Variants in SEH1L observed in about 807,000 individuals in gnomAD.
SEH1L encodes SEH1 like nucleoporin, also known as nucleoporin SEH1.
SEH1L carries 18 observed loss-of-function variants against 49.5 expected under a neutral mutation model. The ratio of observed to expected loss-of-function variants is 0.36; its 90% CI spans 0.25 to 0.54. The LOEUF is 0.54. Among genes scored for constraint, SEH1L ranks in the 20% least tolerant of loss-of-function variants. The probability of loss-of-function intolerance (pLI) is 0.87; values close to 1 mark genes in which losing one functional copy is unlikely to be tolerated. For synonymous variants in SEH1L, 169 were observed against 178.1 expected (o/e 0.95, Z 0.41); for missense variants, 404 against 528.8 (o/e 0.76, Z 2.31).
In SEH1L at chr18:12,986,916, T is replaced by C. The variant is rs2032485588; in HGVS notation, c.1125T>C (p.Tyr375=). The C allele has an allele frequency of 6.2e-7, 1 of 1,613,370 alleles. No individual in the cohort carries two copies. The highest frequency in any genetic ancestry group is 8.5e-7 in the Non-Finnish European group (1 of 1,179,620). ...GGGCTGGATCGAGATGGTCCAGTTA[T>C]GCCCAGCTCCTTCCTCCTCCTCCTC... is the stretch of plus-strand genomic sequence containing the variant. ...SPRAGSRWSS[Y]AQLLPPPPPP... The change falls in exon 9 of 9, where the codon TAT becomes TAC. Residue 375 remains tyrosine (Y), a synonymous_variant. Transcript: ENST00000399892.
At chr18:12,981,109 C>T (rs541294749) in intron 6 of SEH1L, among the ~76,000 whole-genome samples, 39 of 151,252 alleles carry the variant, frequency 2.6e-4, no homozygotes, top group Middle Eastern at 3.5e-3. Context: ...TCAGACAGGG[C>T]GGCCGGGCAG....
chr18:12,976,193 C>T (rs2031910197), intron 5 of SEH1L: 1 of 152,228 alleles, frequency 6.6e-6, no homozygotes, highest in Admixed American at 6.5e-5. Flanking sequence ...TGGCAGCACT[C>T]GTGTTCCTGC....
chr18:12,973,922 G>A (rs912124035), intron 5 of SEH1L: 2 of 152,178 alleles, frequency 1.3e-5, no homozygotes, highest in African/African-American at 4.8e-5. Context: ...ATACAAAGAA[G>A]GGTATTCTAG....
At chr18:12,950,500 T>A (rs2030454287) in intron 1 of SEH1L, among the ~76,000 whole-genome samples, 1 of 152,230 alleles carries the variant, frequency 6.6e-6, no homozygotes, top group Non-Finnish European at 1.5e-5. Context: ...CCTCTGTTTT[T>A]CCTTTAACGT....
chr18:12,953,772 A>C (rs1161266409), intron 2 of SEH1L, among the ~76,000 whole-genome samples: 1 of 152,184 alleles, frequency 6.6e-6, no homozygotes, highest in Non-Finnish European at 1.5e-5. Flanking sequence ...TCTAGTTCTA[A>C]AACATTTTTA....
intron 3 of SEH1L, among the ~76,000 whole-genome samples, chr18:12,962,680 C>G (rs1423685771): frequency 1.3e-5 from 2 of 150,728 alleles, no homozygotes; most frequent in Non-Finnish European, 3.0e-5. Flanking sequence ...GCCATGTAGC[C>G]CAGGCTGGTC....
At chr18:12,955,718 T>C in intron 3 of SEH1L, 109 bp downstream of exon 3, 3 of 1,104,424 alleles carry the variant, frequency 2.7e-6, no homozygotes, top group Non-Finnish European at 2.6e-6. Context: ...TCCCCTCTAG[T>C]TTTACCAGTT....
intron 8 of SEH1L, chr18:12,986,141 T>G: frequency 2.0e-6 from 2 of 984,492 alleles, no homozygotes; most frequent in Non-Finnish European, 2.4e-6. Flanking sequence ...CTCAAGATTT[T>G]CTTAATTTAG....
chr18:12,959,333 A>T (rs937395916), intron 3 of SEH1L, among the ~76,000 whole-genome samples: 6 of 152,182 alleles, frequency 3.9e-5, no homozygotes, highest in African/African-American at 1.4e-4. Context: ...CAATATTTGC[A>T]TTTATACTTA....
intron 5 of SEH1L, 175 bp from the exon 6 acceptor site, chr18:12,978,577 A>T (rs973129914): frequency 1.0e-5 from 5 of 498,140 alleles, no homozygotes; most frequent in Non-Finnish European, 1.8e-5. Context: ...GGTCACATTC[A>T]CAGGGTCTGG....
At chr18:12,974,732 G>C (rs1167812464) in intron 5 of SEH1L, among the ~76,000 whole-genome samples, 1 of 152,154 alleles carries the variant, frequency 6.6e-6, no homozygotes, top group Non-Finnish European at 1.5e-5. Flanking sequence ...TGTTTATATA[G>C]GTTACCGGGC....
At chr18:12,951,417 G>T (rs903997184) in intron 1 of SEH1L, among the ~76,000 whole-genome samples, 13 of 152,172 alleles carry the variant, frequency 8.5e-5, no homozygotes, top group African/African-American at 3.1e-4. Flanking sequence ...TTGAGACGGA[G>T]TCTTGCTTTG....
At chr18:12,957,807 C>T (rs2030963374) in intron 3 of SEH1L, among the ~76,000 whole-genome samples, 3 of 152,166 alleles carry the variant, frequency 2.0e-5, no homozygotes, top group Non-Finnish European at 4.4e-5. Context: ...GTCTCAACCT[C>T]CTGGGCTCAA....
chr18:12,958,545 T>C (rs2031016870), intron 3 of SEH1L, among the ~76,000 whole-genome samples: 1 of 152,192 alleles, frequency 6.6e-6, no homozygotes, highest in South Asian at 2.1e-4. Flanking sequence ...CTCTACCCCC[T>C]ATTCAACTGT....
In SEH1L at chr18:12,967,796, C is replaced by T. The variant is rs143221709; in HGVS notation, c.522-3357C>T. On this transcript the variant is annotated intron_variant, in intron 4 of 8. Coordinates refer to ENST00000399892, the MANE Select transcript of SEH1L (RefSeq NM_001013437.2). ...GGGCGTGGTGGTGTGCGCCTGTACTCCCAGCTACTCAGGAGGCTGAGGCAG... is the reference window on the plus strand; with the variant it reads ...GGGCGTGGTGGTGTGCGCCTGTACTTCCAGCTACTCAGGAGGCTGAGGCAG... 3.0e-3 allele frequency among the ~76,000 whole-genome samples: 452 copies of T among 152,194 alleles called. 3 individuals are homozygous for T. Among genetic ancestry groups the T allele is most frequent in the African/African-American group, 9.8e-3 (407 of 41,532 alleles).
chr18:12,969,166 G>A (rs1225398861), intron 4 of SEH1L, among the ~76,000 whole-genome samples: 1 of 116,702 alleles, frequency 8.6e-6, no homozygotes, highest in Admixed American at 9.8e-5. Flanking sequence ...CTGAAATCAC[G>A]CCATTGCACT....
chr18:12,981,306 G>C (rs2032245649), intron 6 of SEH1L, among the ~76,000 whole-genome samples: 1 of 152,216 alleles, frequency 6.6e-6, no homozygotes. Flanking sequence ...CGGGGTGGCG[G>C]CCGGGCAGAG....
intron 6 of SEH1L, 57 bp from the exon 7 acceptor site, chr18:12,982,461 A>T: frequency 7.9e-7 from 1 of 1,261,152 alleles, no homozygotes; most frequent in Middle Eastern, 1.9e-4. Flanking sequence ...GTGTGTGTAT[A>T]TATATATGTT....
intron 3 of SEH1L, among the ~76,000 whole-genome samples, chr18:12,960,501 C>A (rs756155707): frequency 2.0e-5 from 3 of 152,180 alleles, no homozygotes; most frequent in Non-Finnish European, 4.4e-5. Context: ...CCTAATAGCA[C>A]ACTGTTTTAA....
Sources: gnomAD v4.1 joint callset for allele counts (sites outside exome capture counted in the v4.1 genomes callset) on GRCh38, gnomAD v4.1.1 for gene constraint, MANE v1.5 for transcripts, NCBI Gene and HGNC (gene_info 2026-07-23, HGNC 2026-07-21) for gene names.